Variants in SPTBN1 observed in about 807,000 individuals in gnomAD.
SPTBN1 encodes spectrin beta, non-erythrocytic 1.
SPTBN1 carries 32 observed loss-of-function variants against 266.4 expected under a neutral mutation model. The observed-to-expected ratio is 0.12, with a 90% CI of 0.09 to 0.16. The LOEUF is 0.16. Among genes scored for constraint, SPTBN1 ranks in the 10% least tolerant of loss-of-function variants. SPTBN1 has a pLI of 1.00. For missense variants in SPTBN1, 2,296 were observed against 3,067.1 expected (o/e 0.75, Z 5.94); for synonymous variants, 1,336 against 1,162.2 (o/e 1.15, Z -3.04).
intron 2 of SPTBN1, among the ~76,000 whole-genome samples, chr2:54,570,815 A>G (rs1435973512): frequency 6.6e-6 from 1 of 152,118 alleles, no homozygotes; most frequent in Non-Finnish European, 1.5e-5. Context: ...TTATTCTTTG[A>G]AGGCCTGCTT....
At position 54,533,829 on chromosome 2, in the gene SPTBN1, G is replaced by A. The variant is rs1671415697; in HGVS notation, c.148+7263G>A. ...GCCTCCCAAAGTGCTGGGATTACAG[G>A]CGTGAGCCTCCACGCCCGGCCTGCT... is the stretch of plus-strand genomic sequence containing the variant. On this transcript the variant is annotated intron_variant, in intron 2 of 35. Coordinates refer to ENST00000356805, the MANE Select transcript of SPTBN1 (RefSeq NM_003128.3). The surrounding 1 kb of genome is among the most constrained non-coding windows in gnomAD (Gnocchi z 4.2). Among the ~76,000 whole-genome samples the A allele has an allele frequency of 6.6e-6, 1 of 152,108 alleles. No individual in the cohort carries two copies. Among genetic ancestry groups the A allele is most frequent in the Admixed American group, 6.5e-5 (1 of 15,278 alleles).
At position 54,558,474 on chromosome 2, in the gene SPTBN1, G is replaced by A; in HGVS notation, c.148+31908G>A. The A allele has an allele frequency of 1.8e-6, 2 of 1,106,306 alleles. No homozygotes were observed. The highest frequency in any genetic ancestry group is 2.2e-6 in the Non-Finnish European group (2 of 906,950). 68.5% of individuals were successfully genotyped at this position (1,106,306 alleles called of 1,614,324 possible). ...ATTGGCCATATTTAAAAGTTCTGAA[G>A]TAGAACCTGCGCCTCCTCTCTGCTT... On this transcript the variant is annotated intron_variant, in intron 2 of 35. Coordinates refer to ENST00000356805, the MANE Select transcript of SPTBN1 (RefSeq NM_003128.3). This position sits in a 1 kb window ranked among gnomAD's most constrained non-coding sequence, Gnocchi z 4.6.
intron 1 of SPTBN1, among the ~76,000 whole-genome samples, chr2:54,495,800 C>G (rs1164798407): frequency 6.6e-6 from 1 of 151,824 alleles, no homozygotes; most frequent in Non-Finnish European, 1.5e-5. Context: ...CCAATAACCT[C>G]TTTTGGGGAT....
chr2:54,528,701 A>G (rs1211566744), intron 2 of SPTBN1: 3 of 18,814 alleles, frequency 1.6e-4, no homozygotes, highest in African/African-American at 1.5e-3. Context: ...CAGTAAAGTA[A>G]AAAAAAAAAA....
intron 2 of SPTBN1, among the ~76,000 whole-genome samples, chr2:54,594,848 T>TTTTTTTTTTTTTG: frequency 6.8e-6 from 1 of 147,566 alleles, no homozygotes; most frequent in Non-Finnish European, 1.5e-5. Flanking sequence ...TTTTTTTTTT[T>TTTTTTTTTTTTTG]TTTGAGACAG....
intron 1 of SPTBN1, among the ~76,000 whole-genome samples, chr2:54,476,923 A>G (rs762829627): frequency 5.9e-5 from 9 of 152,158 alleles, no homozygotes; most frequent in Non-Finnish European, 1.2e-4. Context: ...TAAACTTACC[A>G]TTGAAAAGAG....
At chr2:54,500,021 G>A (rs73932783) in intron 1 of SPTBN1, among the ~76,000 whole-genome samples, 3,697 of 152,226 alleles carry the variant, frequency 0.024, 161 homozygotes, top group African/African-American at 0.085. Flanking sequence ...TTCTTTTTAC[G>A]TTTGTAATGT....
At chr2:54,612,092 G>C (rs1677257856) in intron 3 of SPTBN1, 69 bp from the exon 4 acceptor site, 3 of 1,441,720 alleles carry the variant, frequency 2.1e-6, no homozygotes, top group Middle Eastern at 1.8e-4. Flanking sequence ...CATGTGACTA[G>C]GCAGTAACTC....
chr2:54,507,802 C>CTTT (rs35551436), intron 1 of SPTBN1, among the ~76,000 whole-genome samples: 10 of 139,840 alleles, frequency 7.2e-5, no homozygotes, highest in East Asian at 4.2e-4. Context: ...ATAGAGTCCC[C>CTTT]TTTTTTTTTT....
At chr2:54,485,956 A>C (rs867246631) in intron 1 of SPTBN1, among the ~76,000 whole-genome samples, 1 of 144,318 alleles carries the variant, frequency 6.9e-6, no homozygotes, top group South Asian at 2.3e-4. Flanking sequence ...CTGCCTGGCA[A>C]CCACCCCGTC....
intron 32 of SPTBN1, chr2:54,661,618 A>T: frequency 1.0e-6 from 1 of 985,814 alleles, no homozygotes; most frequent in Non-Finnish European, 1.2e-6. Flanking sequence ...ATCAAAATTC[A>T]TTTTAGACAA....
chr2:54,592,541 C>T (rs750243475), intron 2 of SPTBN1, among the ~76,000 whole-genome samples: 11 of 152,100 alleles, frequency 7.2e-5, no homozygotes, highest in South Asian at 2.1e-4. Flanking sequence ...TGCGCCACCA[C>T]GCCTGGCTAA....
rs1003707298 is a variant in SPTBN1, at chr2:54,554,136, G to A, written c.148+27570G>A. On this transcript the variant is annotated intron_variant, in intron 2 of 35. Coordinates refer to ENST00000356805, the MANE Select transcript of SPTBN1 (RefSeq NM_003128.3). This position sits in a 1 kb window ranked among gnomAD's most constrained non-coding sequence, Gnocchi z 4.5. ...CGTGTAGAGGCCTGCTTGGGTTTTA[G>A]GTTAATCTTGATACCACTTACTGAG... 1.3e-5 allele frequency among the ~76,000 whole-genome samples: 2 copies of A among 152,076 alleles called. No individual in the cohort carries two copies. The highest frequency in any genetic ancestry group is 2.4e-5 in the African/African-American group (1 of 41,382).
chr2:54,479,614 C>CT (rs777928753), intron 1 of SPTBN1, among the ~76,000 whole-genome samples: 4 of 152,192 alleles, frequency 2.6e-5, no homozygotes, highest in Non-Finnish European at 5.9e-5. Flanking sequence ...TCACTCTAGT[C>CT]TTAACGAAGT....
At chr2:54,661,263 A>G in intron 32 of SPTBN1, 6 of 985,922 alleles carry the variant, frequency 6.1e-6, no homozygotes, top group Non-Finnish European at 7.2e-6. Flanking sequence ...GGTGACAGAG[A>G]TGGTTTCCTT....
Position 54,645,968 on chromosome 2 carries a change from A to G in SPTBN1, c.4535A>G (p.Asp1512Gly). ...AGGATGCCTTTGGCAACTTCCACGGATCATGGCCACAACCTCCAGACTGTG... is the reference window on the plus strand; with the variant it reads ...AGGATGCCTTTGGCAACTTCCACGGGTCATGGCCACAACCTCCAGACTGTG... Reference protein sequence around the residue: ...GERMPLATSTDHGHNLQTVQL... With the variant: ...GERMPLATSTGHGHNLQTVQL... Residue 1512 changes from aspartate (D) to glycine (G), a missense_variant, in exon 22 of 36, where the codon GAT (aspartate) becomes GGT (glycine). This residue lies in a region of SPTBN1 where 644 missense variants were observed against 745.3 expected (regional missense o/e 0.86). Transcript: ENST00000356805. This position sits in a 1 kb window ranked among gnomAD's most constrained non-coding sequence, Gnocchi z 4.3. The G allele has an allele frequency of 6.2e-7, 1 of 1,614,202 alleles. No homozygotes were observed. Among genetic ancestry groups the G allele is most frequent in the Non-Finnish European group, 8.5e-7 (1 of 1,180,034 alleles).
At chr2:54,549,362 C>T (rs1672433834) in intron 2 of SPTBN1, among the ~76,000 whole-genome samples, 1 of 151,536 alleles carries the variant, frequency 6.6e-6, no homozygotes. Context: ...GCATTATGTC[C>T]TCCATGCTGC....
chr2:54,507,586 G>C (rs1239226526), intron 1 of SPTBN1, among the ~76,000 whole-genome samples: 2 of 152,146 alleles, frequency 1.3e-5, no homozygotes, highest in African/African-American at 2.4e-5. Context: ...AAGACACAAG[G>C]TCTGAATAAG....
intron 2 of SPTBN1, among the ~76,000 whole-genome samples, chr2:54,574,884 G>C (rs1674352473): frequency 6.6e-6 from 1 of 152,204 alleles, no homozygotes; most frequent in African/African-American, 2.4e-5. Flanking sequence ...GTACCTTCAT[G>C]AACATATTAT....
Sources: allele counts gnomAD v4.1 joint callset (sites outside exome capture counted in the v4.1 genomes callset), GRCh38; gene constraint gnomAD v4.1.1; regional missense constraint gnomAD v4.1.1; non-coding constraint Gnocchi (gnomAD v3.1); transcripts MANE v1.5; gene names NCBI Gene and HGNC (gene_info 2026-07-23, HGNC 2026-07-21).